Variants in UNC45B observed in about 807,000 individuals in gnomAD.
UNC45B encodes unc-45 myosin chaperone B, also known as protein unc-45 homolog B.
UNC45B carries 78 observed loss-of-function variants against 98.7 expected under a neutral mutation model. That is an observed-to-expected ratio of 0.79 (90% confidence interval 0.66 to 0.95). The LOEUF (loss-of-function observed/expected upper bound fraction) is 0.95. Among genes scored for constraint, UNC45B ranks in the 40% least tolerant of loss-of-function variants. UNC45B has a pLI of 0.00. For synonymous variants in UNC45B, 462 were observed against 480.4 expected (o/e 0.96, Z 0.50); for missense variants, 1,225 against 1,184.9 (o/e 1.03, Z -0.50).
chr17:35,160,178 G>A (rs2092092793), intron 8 of UNC45B, among the ~76,000 whole-genome samples: 1 of 152,164 alleles, frequency 6.6e-6, no homozygotes, highest in Non-Finnish European at 1.5e-5. Flanking sequence ...GGAGGTAGGG[G>A]AATAGTCAAA....
rs550669824 is a variant in UNC45B at position 35,180,721 on chromosome 17, C to G, written c.2373+45C>G. 6 of 1,515,454 alleles carry G rather than the reference C, an allele frequency of 4.0e-6. No individual in the cohort carries two copies. In the South Asian group the frequency reaches 6.8e-5, roughly 17 times the overall value. 93.9% of individuals were successfully genotyped at this position (1,515,454 alleles called of 1,614,324 possible). A position where few individuals can be genotyped will look rare whatever the true frequency, so the allele number is the denominator to read the frequency against. The stretch of plus-strand genomic sequence containing the variant: ...TGGAGACCCGGGCGTGATCAAGGCA[C>G]GAGAGGCAGGCCAGGGTCAGGGCCT... On this transcript the variant is annotated intron_variant, in intron 18 of 19. Coordinates refer to ENST00000394570, the MANE Select transcript of UNC45B (RefSeq NM_001267052.2).
Position 35,183,417 on chromosome 17 carries a change from C to A in UNC45B, c.2374-10C>A. ...CAGTTTTCTCTGAGCCATGTTCCTG[C>A]CTCCCACAGGTACAGGAAAGGTTCT... is the stretch of plus-strand genomic sequence containing the variant. On this transcript the variant is annotated splice_polypyrimidine_tract_variant and intron_variant, in intron 18 of 19. Coordinates refer to ENST00000394570, the MANE Select transcript of UNC45B (RefSeq NM_001267052.2). 1 of 1,537,116 alleles carries A rather than the reference C, an allele frequency of 6.5e-7. No homozygotes were observed.
chr17:35,150,955 C>T, intron 4 of UNC45B, among the ~76,000 whole-genome samples: 1 of 152,012 alleles, frequency 6.6e-6, no homozygotes, highest in East Asian at 1.9e-4. Context: ...CTTTGTTGCC[C>T]AGGCTGGAGT....
intron 13 of UNC45B, among the ~76,000 whole-genome samples, chr17:35,173,092 A>G (rs1422265921): frequency 2.7e-5 from 4 of 150,766 alleles, no homozygotes; most frequent in African/African-American, 4.9e-5. Context: ...ACACATTGCC[A>G]CACGCACTGT....
chr17:35,176,039 C>G lies in UNC45B; in HGVS notation c.2025+5C>G. On this transcript the variant is annotated splice_donor_5th_base_variant and intron_variant, in intron 15 of 19. Coordinates refer to ENST00000394570, the MANE Select transcript of UNC45B (RefSeq NM_001267052.2). ...GTGGCTCAAGGTGGTGGCAAGGTAA[C>G]TGGGCAGGTGCCTTCCTAGAAGGTG... The G allele has an allele frequency of 6.2e-7, 1 of 1,614,128 alleles. No individual in the cohort carries two copies. Among genetic ancestry groups the G allele is most frequent in the Non-Finnish European group, 8.5e-7 (1 of 1,179,990 alleles).
rs1413853271 is a variant in UNC45B at position 35,180,650 on chromosome 17, A to C, written c.2347A>C (p.Met783Leu). 6.2e-7 allele frequency: 1 copy of C among 1,613,794 alleles called. No individual in the cohort carries two copies. Among genetic ancestry groups the C allele is most frequent in the Admixed American group, 1.7e-5 (1 of 60,004 alleles). The change falls in exon 18 of 20, where the codon ATG (methionine) becomes CTG (leucine). Residue 783 changes from methionine to leucine, a missense_variant. Physicochemically the swap from Met to Leu is conservative, Grantham distance 15. Transcript: ENST00000394570. ...DQLRQAATECMCNMVLHKEVQ... is the reference protein window; with the variant it reads ...DQLRQAATECLCNMVLHKEVQ... ...GCTGCGGCAGGCGGCCACCGAGTGC[A>C]TGTGCAACATGGTGCTCCACAAGGA...
chr17:35,172,554 A>G (rs578165307), intron 13 of UNC45B, among the ~76,000 whole-genome samples: 4 of 152,248 alleles, frequency 2.6e-5, no homozygotes, highest in African/African-American at 7.2e-5. Context: ...TGGCCTCTGA[A>G]TCATTTTTGA....
intron 9 of UNC45B, among the ~76,000 whole-genome samples, chr17:35,165,895 C>T (rs748979520): frequency 1.8e-4 from 27 of 151,606 alleles, no homozygotes; most frequent in African/African-American, 5.1e-4. Flanking sequence ...GCCAAGATCG[C>T]ACCACTGCAC....
At chr17:35,180,812 C>G (rs997324780) in intron 18 of UNC45B, 136 bp downstream of exon 18, 1 of 598,314 alleles carries the variant, frequency 1.7e-6, no homozygotes, top group Admixed American at 3.2e-5. Flanking sequence ...TCCAGGAATC[C>G]CTAAATATTT....
chr17:35,174,849 AAGAGAG>A (rs149375100), intron 14 of UNC45B, among the ~76,000 whole-genome samples: 1 of 148,338 alleles, frequency 6.7e-6, no homozygotes, highest in African/African-American at 2.5e-5. Context: ...GAAAGAGAGA[AAGAGAG>A]AGAGAGAGAG....
intron 13 of UNC45B, among the ~76,000 whole-genome samples, chr17:35,173,476 T>C (rs1220465629): frequency 6.6e-6 from 1 of 152,026 alleles, no homozygotes; most frequent in Non-Finnish European, 1.5e-5. Flanking sequence ...AAAATGAGTC[T>C]CACTCGGCTA....
At chr17:35,161,860 A>G (rs1375593263) in intron 8 of UNC45B, among the ~76,000 whole-genome samples, 1 of 152,064 alleles carries the variant, frequency 6.6e-6, no homozygotes. Context: ...GGGATTCATC[A>G]CTAATAACTA....
chr17:35,185,051 T>C (rs1013685713), intron 19 of UNC45B, among the ~76,000 whole-genome samples: 9 of 152,190 alleles, frequency 5.9e-5, no homozygotes, highest in African/African-American at 1.4e-4. Flanking sequence ...CACTTCAGCG[T>C]AGAAACTTTC....
At chr17:35,177,663 G>A in intron 17 of UNC45B, 53 bp downstream of exon 17, 2 of 1,357,340 alleles carry the variant, frequency 1.5e-6, no homozygotes, top group Non-Finnish European at 2.1e-6. Flanking sequence ...AAAAGTGTTT[G>A]TTTGAAATTT....
chr17:35,160,701 G>C (rs528695980), intron 8 of UNC45B, among the ~76,000 whole-genome samples: 1 of 152,310 alleles, frequency 6.6e-6, no homozygotes, highest in Admixed American at 6.5e-5. Flanking sequence ...GCCTCCCAAA[G>C]TGCTGGAATT....
intron 17 of UNC45B, among the ~76,000 whole-genome samples, chr17:35,178,938 G>A (rs1597933247): frequency 6.6e-6 from 1 of 152,174 alleles, no homozygotes; most frequent in East Asian, 1.9e-4. Flanking sequence ...TTTGGTTACT[G>A]TAGCCTTGTA....
In UNC45B at chr17:35,159,444, G is replaced by C. The variant is rs745705073; in HGVS notation, c.878G>C (p.Gly293Ala). ...LDMLVSKKVS[G>A]QGRDQALNLL... ...ATGCTAGTCAGCAAGAAGGTGTCTG[G>C]CCAGGGCAGGGATCAGGCGCTGAAC... Residue 293 changes from glycine (G) to alanine (A), a missense_variant, in exon 8 of 20, where the codon GGC becomes GCC. Gly to Ala is a moderately conservative substitution (Grantham distance 60). Transcript: ENST00000394570. The C allele has an allele frequency of 1.2e-6, 2 of 1,614,142 alleles. No individual in the cohort carries two copies. Among genetic ancestry groups the C allele is most frequent in the South Asian group, 2.2e-5 (2 of 91,076 alleles).
rs2092086126 is a variant in UNC45B at position 35,159,379 on chromosome 17, C to T, written c.813C>T (p.Thr271=). The change falls in exon 8 of 20, where the codon ACC becomes ACT. Residue 271 remains threonine, a synonymous_variant. Coordinates refer to ENST00000394570, the MANE Select transcript of UNC45B (RefSeq NM_001267052.2). ...CCCCGTCCTCTTTTTCTTCAGACAC[C>T]AAGAAGGACCTGAAGCAGATCACCA... ...RGKEEALVLD[T]KKDLKQITSH... is the part of the protein sequence containing the mutation. The T allele has an allele frequency of 6.2e-7, 1 of 1,611,602 alleles. No individual in the cohort carries two copies. Among genetic ancestry groups the T allele is most frequent in the Admixed American group, 1.7e-5 (1 of 59,740 alleles).
In UNC45B at chr17:35,152,903, A is replaced by C; in HGVS notation, c.392A>C (p.Gln131Pro). The C allele has an allele frequency of 6.2e-7, 1 of 1,614,098 alleles. No homozygotes were observed. The highest frequency in any genetic ancestry group is 8.5e-7 in the Non-Finnish European group (1 of 1,179,954). Residue 131 changes from glutamine to proline, a missense_variant, in exon 5 of 20, where the codon CAG (glutamine) becomes CCG (proline). By Grantham distance (76) the Gln-to-Pro change is moderately conservative. Coordinates refer to ENST00000394570, the MANE Select transcript of UNC45B (RefSeq NM_001267052.2). ...CTCCTCTCTCCTCAGCTCCGAGTGC[A>C]GTTCTCCACAGACTCGAGGGTACAG... is the stretch of plus-strand genomic sequence containing the variant. The part of the protein sequence containing the change: ...NTSIQEKLRV[Q>P]FSTDSRVQKM...
Sources: gnomAD v4.1 joint callset for allele counts (sites outside exome capture counted in the v4.1 genomes callset) on GRCh38, gnomAD v4.1.1 for gene constraint, MANE v1.5 for transcripts, NCBI Gene and HGNC (gene_info 2026-07-23, HGNC 2026-07-21) for gene names.